The following GRIA2 variants were observed in gnomAD, a reference collection of about 807,000 sequenced individuals.
GRIA2 encodes glutamate receptor 2.
GRIA2 carries 14 observed loss-of-function variants against 97.3 expected under a neutral mutation model. The ratio of observed to expected loss-of-function variants is 0.14; its 90% confidence interval spans 0.10 to 0.23. The LOEUF (loss-of-function observed/expected upper bound fraction) is 0.23. GRIA2 is among the 10% of genes least tolerant of loss of function. The pLI is 1.00. For synonymous variants in GRIA2, 412 were observed against 387.8 expected, an observed-to-expected ratio of 1.06 and a Z score of -0.73; for missense variants, 558 against 1,069.8, an observed-to-expected ratio of 0.52 and a Z score of 6.67.
intron 2 of GRIA2, among the ~76,000 whole-genome samples, chr4:157,248,720 T>C (rs1481441348): frequency 2.1e-5 from 3 of 142,552 alleles, no homozygotes; most frequent in African/African-American, 5.2e-5. Flanking sequence ...TATACACATA[T>C]GTGTATATAC....
At chr4:157,335,321 G>A (rs1032977554) in intron 9 of GRIA2, 2 of 279,492 alleles carry the variant, frequency 7.2e-6, no homozygotes, top group Non-Finnish European at 1.4e-5. Flanking sequence ...TAAGGGTGTG[G>A]TGAATCCAAA....
chr4:157,270,425 T>C (rs1351015458), intron 2 of GRIA2, among the ~76,000 whole-genome samples: 2 of 152,160 alleles, frequency 1.3e-5, no homozygotes, highest in Non-Finnish European at 2.9e-5. Flanking sequence ...AATTGTTGAA[T>C]AGTTAAAATG....
intron 12 of GRIA2, among the ~76,000 whole-genome samples, chr4:157,347,169 A>G (rs1735799341): frequency 1.3e-5 from 2 of 152,164 alleles, no homozygotes; most frequent in Admixed American, 6.6e-5. Context: ...AGAAGCCATA[A>G]TGAATCATGT....
In GRIA2 at chr4:157,287,161, T is replaced by C. The variant is rs564598804; in HGVS notation, c.230-16391T>C. On this transcript the variant is annotated intron_variant, in intron 2 of 15. Transcript: ENST00000264426. ...TTAATAATTATTTACCAGGATGATC[T>C]CATATAACTCCTAAATCAATCCATT... 3.0e-4 allele frequency among the ~76,000 whole-genome samples: 46 copies of C among 151,794 alleles called. 2 individuals carry two copies. The highest frequency in any genetic ancestry group is 1.1e-3 in the African/African-American group (46 of 41,522).
Position 157,237,306 on chromosome 4 carries a change from T to A in GRIA2, c.229+15499T>A, listed in dbSNP as rs552173106. On this transcript the variant is annotated intron_variant, in intron 2 of 15. Transcript: ENST00000264426. ...ATGTATAAGTTTTTTTTTTTTTTTT[T>A]AATTTTGAAAGTCTCATTCTGTCAT... Among the ~76,000 whole-genome samples, 26 of 142,026 alleles carry A rather than the reference T, an allele frequency of 1.8e-4. No homozygotes were observed. The South Asian group carries it at 2.9e-3, about 16-fold the overall frequency. The allele number at this position is 142,026 out of a possible 152,430, so 93.2% of individuals were successfully genotyped here.
At chr4:157,295,792 C>T (rs1733321012) in intron 2 of GRIA2, among the ~76,000 whole-genome samples, 1 of 152,090 alleles carries the variant, frequency 6.6e-6, no homozygotes, top group East Asian at 1.9e-4. Context: ...TTTATGATTC[C>T]CCCCAATTTT....
In GRIA2 at chr4:157,360,161, A is replaced by C; in HGVS notation, c.2291+18A>C. 1 of 1,610,676 alleles carries C rather than the reference A, an allele frequency of 6.2e-7. No individual in the cohort carries two copies. Reference sequence around the variant, plus strand: ...TCATTAAGGTGGGTGGAATAGTATAACAATATGCTAAATGTTGTTATAGTA... The same window carrying C: ...TCATTAAGGTGGGTGGAATAGTATACCAATATGCTAAATGTTGTTATAGTA... On this transcript the variant is annotated intron_variant, in intron 13 of 15. Coordinates refer to ENST00000264426, the MANE Select transcript of GRIA2 (RefSeq NM_001083619.3).
intron 2 of GRIA2, among the ~76,000 whole-genome samples, chr4:157,231,679 G>T (rs1417748656): frequency 6.6e-6 from 1 of 152,170 alleles, no homozygotes; most frequent in African/African-American, 2.4e-5. Context: ...TAGTAAAGTT[G>T]TCTGTTGCTT....
intron 4 of GRIA2, among the ~76,000 whole-genome samples, chr4:157,314,509 C>T (rs1223172845): frequency 6.6e-6 from 1 of 151,998 alleles, no homozygotes; most frequent in Non-Finnish European, 1.5e-5. Context: ...ACCTGAAGGC[C>T]TCTTGTTCAA....
At chr4:157,281,275 T>C (rs1732581185) in intron 2 of GRIA2, among the ~76,000 whole-genome samples, 1 of 152,136 alleles carries the variant, frequency 6.6e-6, no homozygotes. Flanking sequence ...TAACATATCA[T>C]ACTTCCTAGA....
At chr4:157,284,324 C>G (rs1732740375) in intron 2 of GRIA2, among the ~76,000 whole-genome samples, 1 of 151,778 alleles carries the variant, frequency 6.6e-6, no homozygotes, top group East Asian at 1.9e-4. Flanking sequence ...TTAAACTTTC[C>G]ATGCTGAGAC....
At chr4:157,273,532 T>G (rs1402526389) in intron 2 of GRIA2, among the ~76,000 whole-genome samples, 1 of 151,886 alleles carries the variant, frequency 6.6e-6, no homozygotes, top group African/African-American at 2.4e-5. Flanking sequence ...TAGATAGAAA[T>G]TCTAAGAAAG....
chr4:157,308,198 G>C (rs1733925027), intron 3 of GRIA2, among the ~76,000 whole-genome samples: 1 of 152,168 alleles, frequency 6.6e-6, no homozygotes, highest in Non-Finnish European at 1.5e-5. Flanking sequence ...CTATAACTCA[G>C]AGTGTTATTA....
intron 8 of GRIA2, 41 bp downstream of exon 8, chr4:157,333,394 G>C: frequency 9.9e-7 from 1 of 1,013,378 alleles, no homozygotes; most frequent in Admixed American, 2.2e-5. Context: ...ATGTGAGGAG[G>C]TGAGTTAGCT....
chr4:157,257,249 C>T (rs1731320135), intron 2 of GRIA2, among the ~76,000 whole-genome samples: 1 of 152,040 alleles, frequency 6.6e-6, no homozygotes, highest in Admixed American at 6.6e-5. Flanking sequence ...TGACTTTTTA[C>T]TGTGCTGTGC....
intron 2 of GRIA2, among the ~76,000 whole-genome samples, chr4:157,240,593 GGGAC>G (rs1379863351): frequency 2.0e-5 from 3 of 151,922 alleles, no homozygotes; most frequent in African/African-American, 7.3e-5. Flanking sequence ...CCCGTCAACT[GGGAC>G]CTTCTCTTTG....
chr4:157,247,763 T>G (rs1459497647), intron 2 of GRIA2, among the ~76,000 whole-genome samples: 4 of 152,036 alleles, frequency 2.6e-5, no homozygotes, highest in Admixed American at 1.3e-4. Context: ...ATTCCAGAGT[T>G]TCACACCAGA....
chr4:157,353,867 GA>G (rs892412788), intron 12 of GRIA2, among the ~76,000 whole-genome samples: 26 of 151,916 alleles, frequency 1.7e-4, no homozygotes, highest in Non-Finnish European at 3.4e-4. Context: ...TAATCGTATA[GA>G]AAAATTTTCA....
intron 2 of GRIA2, among the ~76,000 whole-genome samples, chr4:157,273,983 T>C (rs1732158199): frequency 6.6e-6 from 1 of 151,956 alleles, no homozygotes; most frequent in Non-Finnish European, 1.5e-5. Context: ...ATGGGAAAAA[T>C]ATCTCACCTA....
Sources: gnomAD v4.1 joint callset for allele counts (sites outside exome capture counted in the v4.1 genomes callset) on GRCh38, gnomAD v4.1.1 for gene constraint, MANE v1.5 for transcripts, NCBI Gene and HGNC (gene_info 2026-07-23, HGNC 2026-07-21) for gene names.